Variants in PREX1 observed in about 807,000 individuals in gnomAD.
The protein encoded by PREX1 is phosphatidylinositol-3,4,5-trisphosphate dependent Rac exchange factor 1.
Under a neutral mutation model 198.3 loss-of-function variants are expected in PREX1, and 41 were observed. That is an observed-to-expected ratio of 0.21 (90% CI 0.16 to 0.27). The LOEUF is 0.27. Ranked by LOEUF, PREX1 falls within the 10% of genes least tolerant of loss-of-function variation. The pLI is 1.00. For missense variants in PREX1, 1,620 were observed against 2,200.7 expected (o/e 0.74, Z 5.28); for synonymous variants, 843 against 887.2 (o/e 0.95, Z 0.89).
intron 1 of PREX1, among the ~76,000 whole-genome samples, chr20:48,819,383 T>C (rs2090473288): frequency 6.6e-6 from 1 of 152,208 alleles, no homozygotes; most frequent in Non-Finnish European, 1.5e-5. Flanking sequence ...TTCTCCACTC[T>C]TTCCACCAGG....
intron 1 of PREX1, among the ~76,000 whole-genome samples, chr20:48,752,919 G>A (rs2090140244): frequency 6.6e-6 from 1 of 152,114 alleles, no homozygotes; most frequent in Non-Finnish European, 1.5e-5. Flanking sequence ...CATCCTTACT[G>A]TAAACAATGG....
intron 10 of PREX1, among the ~76,000 whole-genome samples, chr20:48,685,533 T>A (rs1024538954): frequency 6.6e-6 from 1 of 152,194 alleles, no homozygotes; most frequent in African/African-American, 2.4e-5. Context: ...TCACTGAGGT[T>A]CAGAGAGGTT....
intron 35 of PREX1, 39 bp from the exon 36 acceptor site, chr20:48,630,833 A>C: frequency 6.8e-7 from 1 of 1,465,598 alleles, no homozygotes. Context: ...GGGCCACCAC[A>C]CCCACCATCC....
At chr20:48,846,821 G>C in the PREX1 span, among the ~76,000 whole-genome samples, 2 of 152,158 alleles carry the variant, frequency 1.3e-5, no homozygotes, top group African/African-American at 4.8e-5. Context: ...ACATGTGCCT[G>C]CTGGACACTC....
intron 21 of PREX1, 126 bp from the exon 22 acceptor site, chr20:48,651,709 G>C (rs1281003997): frequency 1.1e-6 from 1 of 874,786 alleles, no homozygotes; most frequent in Non-Finnish European, 1.7e-6. Context: ...CAGGGCAGGA[G>C]TACATTCCGC....
At chr20:48,820,151 G>A (rs757116382) in intron 1 of PREX1, among the ~76,000 whole-genome samples, 26 of 152,224 alleles carry the variant, frequency 1.7e-4, no homozygotes, top group Non-Finnish European at 3.1e-4. Context: ...GACAAAAGAA[G>A]AGCAGACAGA....
intron 21 of PREX1, 118 bp downstream of exon 21, chr20:48,652,467 TG>T: frequency 7.4e-7 from 1 of 1,342,394 alleles, no homozygotes; most frequent in Non-Finnish European, 1.0e-6. Flanking sequence ...ACAAACCTGC[TG>T]GCATGGAGGT....
At chr20:48,824,251 C>T (rs889817742) in intron 1 of PREX1, among the ~76,000 whole-genome samples, 5 of 152,268 alleles carry the variant, frequency 3.3e-5, no homozygotes, top group Middle Eastern at 3.4e-3. Context: ...AGAGGACTCC[C>T]TGGAGATGAG....
At chr20:48,637,666 G>T in intron 31 of PREX1, 45 bp downstream of exon 31, 1 of 1,549,192 alleles carries the variant, frequency 6.5e-7, no homozygotes, top group Non-Finnish European at 8.8e-7. Flanking sequence ...TTGGGTGGTG[G>T]AAGAGGCCGG....
At chr20:48,862,790 A>AAAATATATATATATATAT in the PREX1 span, among the ~76,000 whole-genome samples, 5 of 102,582 alleles carry the variant, frequency 4.9e-5, no homozygotes, top group Non-Finnish European at 7.4e-5. Flanking sequence ...TAAAAAAAAA[A>AAAATATATATATATATAT]ATATATATAT....
chr20:48,642,321 G>A, intron 28 of PREX1, 63 bp from the exon 29 acceptor site: 1 of 1,605,158 alleles, frequency 6.2e-7, no homozygotes, highest in Non-Finnish European at 8.5e-7. Flanking sequence ...CAGACATCTG[G>A]GACCCACAGC....
Position 48,646,015 on chromosome 20 carries a change from G to A in PREX1, c.3348C>T (p.Cys1116=), listed in dbSNP as rs761282030. 38 of 1,613,978 alleles carry A rather than the reference G, an allele frequency of 2.4e-5. No individual in the cohort carries two copies. The highest frequency in any genetic ancestry group is 2.2e-4 in the South Asian group (20 of 91,082). ...TITEPTSGGS[C]DASLAEEASS... is the part of the protein sequence containing the mutation. ...AGGCCTCCTCAGCCAAGGATGCGTC[G>A]CAGGACCCACCCGAGGTGGGCTCTG... The change falls in exon 26 of 40, where the codon TGC becomes TGT. Residue 1116 remains cysteine (C), a synonymous_variant. Coordinates refer to ENST00000371941, the MANE Select transcript of PREX1 (RefSeq NM_020820.4).
At chr20:48,645,704 C>T (rs2122876596) in intron 26 of PREX1, 147 bp downstream of exon 26, 3 of 906,800 alleles carry the variant, frequency 3.3e-6, no homozygotes, top group Admixed American at 2.6e-5. Context: ...CTCAGATAAT[C>T]CCCCAGAACC....
chr20:48,667,120 T>G (rs2089645853), intron 14 of PREX1, among the ~76,000 whole-genome samples: 1 of 152,180 alleles, frequency 6.6e-6, no homozygotes, highest in African/African-American at 2.4e-5. Context: ...TGGCTGGAAC[T>G]CTTGCAGTCA....
chr20:48,719,562 C>A (rs1010733723), intron 5 of PREX1, among the ~76,000 whole-genome samples: 7 of 152,146 alleles, frequency 4.6e-5, no homozygotes, highest in African/African-American at 1.7e-4. Context: ...CGATCCCCAG[C>A]AGATGAGGAG....
intron 1 of PREX1, among the ~76,000 whole-genome samples, chr20:48,796,580 A>T (rs2090363383): frequency 6.6e-6 from 1 of 151,802 alleles, no homozygotes; most frequent in African/African-American, 2.4e-5. Context: ...TTTTAATTTG[A>T]ACCATGAAAA....
In PREX1 at chr20:48,649,613, C is replaced by G; in HGVS notation, c.3029-37G>C. On this transcript the variant is annotated intron_variant, in intron 24 of 39. Transcript: ENST00000371941. The stretch of plus-strand genomic sequence containing the variant: ...GAAGAGAGAGCTCACTGGAAAACAG[C>G]CCCCAGCATCCACTGGGCCTTTGGG... 3 of 1,539,374 alleles carry G rather than the reference C, an allele frequency of 1.9e-6. 1 individual carries two copies. The highest frequency in any genetic ancestry group is 1.4e-5 in the African/African-American group (1 of 72,980).
chr20:48,642,294 C>T (rs751761362), intron 28 of PREX1, 36 bp from the exon 29 acceptor site: 53 of 1,609,410 alleles, frequency 3.3e-5, no homozygotes, highest in East Asian at 4.5e-5. Flanking sequence ...GTTTGGGCCC[C>T]GTGGCCCTAC....
At chr20:48,822,639 A>G (rs965944388) in intron 1 of PREX1, among the ~76,000 whole-genome samples, 1 of 152,200 alleles carries the variant, frequency 6.6e-6, no homozygotes, top group Admixed American at 6.5e-5. Flanking sequence ...ATTCGCATAC[A>G]TATGCATAAT....
Sources: gnomAD v4.1 joint callset for allele counts (sites outside exome capture counted in the v4.1 genomes callset) on GRCh38, gnomAD v4.1.1 for gene constraint, MANE v1.5 for transcripts, NCBI Gene and HGNC (gene_info 2026-07-23, HGNC 2026-07-21) for gene names.